The following ANTXRL variants were observed in gnomAD, a reference collection of about 807,000 sequenced individuals.
The protein encoded by ANTXRL is ANTXR like, also known as anthrax toxin receptor-like.
Under a neutral mutation model 75.4 loss-of-function variants are expected in ANTXRL, and 63 were observed. The observed-to-expected ratio is 0.84, with a 90% CI of 0.68 to 1.03. ANTXRL has a LOEUF of 1.03. ANTXRL is among the 50% of genes least tolerant of loss of function. The pLI is 0.00. For missense variants in ANTXRL, 797 were observed against 789.4 expected, an observed-to-expected ratio of 1.01 and a Z score of -0.12; for synonymous variants, 335 against 291.3, an observed-to-expected ratio of 1.15 and a Z score of -1.53.
At chr10:46,294,162 G>C in intron 3 of ANTXRL, 1 of 510,106 alleles carries the variant, frequency 2.0e-6, no homozygotes, top group East Asian at 3.7e-5. Flanking sequence ...CCCTCTCTCC[G>C]CTCTGCCTCC....
Position 46,287,114 on chromosome 10 carries a change from G to C in ANTXRL, c.-149G>C. 9.8e-7 allele frequency: 1 copy of C among 1,020,526 alleles called. No individual in the cohort carries two copies. Among genetic ancestry groups the C allele is most frequent in the Non-Finnish European group, 1.4e-6 (1 of 721,104 alleles). The allele number at this position is 1,020,526 out of a possible 1,614,324, so 63.2% of individuals were successfully genotyped here. On this transcript the variant is annotated 5_prime_UTR_variant, in exon 1 of 17. Transcript: ENST00000620264. ...GCGATCTGGGGAGGTACCTGGTGGA[G>C]GGCCATAGTGTGCACTGGTGAAAGG... is the stretch of plus-strand genomic sequence containing the variant.
At position 46,298,518 on chromosome 10, in the gene ANTXRL, C is replaced by T. The variant is rs190576638; in HGVS notation, c.796+456C>T. On this transcript the variant is annotated intron_variant, in intron 9 of 16. Transcript: ENST00000620264. ...TGAGTGTACGTAGGGAGCATATATG[C>T]GTGTGTGTGTGTGGTGTATGTGCAC... is the stretch of plus-strand genomic sequence containing the variant. 3.1e-3 allele frequency among the ~76,000 whole-genome samples: 469 copies of T among 149,094 alleles called. 2 individuals carry two copies. The highest frequency in any genetic ancestry group is 0.011 in the African/African-American group (433 of 40,448).
chr10:46,326,166 A>G (rs1368795625), intron 16 of ANTXRL, among the ~76,000 whole-genome samples: 1 of 151,824 alleles, frequency 6.6e-6, no homozygotes. Flanking sequence ...GTATGTGAGT[A>G]GAGATGGATA....
At chr10:46,298,916 G>A (rs1298882189) in intron 9 of ANTXRL, among the ~76,000 whole-genome samples, 1 of 151,562 alleles carries the variant, frequency 6.6e-6, no homozygotes, top group Admixed American at 6.6e-5. Flanking sequence ...GGATGTGAAT[G>A]TGTCTATTGG....
chr10:46,311,384 A>C, intron 14 of ANTXRL, 126 bp from the exon 15 acceptor site: 3 of 1,335,542 alleles, frequency 2.2e-6, no homozygotes, highest in South Asian at 3.5e-5. Context: ...TGTTTTTCAC[A>C]TGAAGGACCC....
At chr10:46,293,976 C>T in intron 3 of ANTXRL, 76 bp downstream of exon 3, 1 of 1,396,174 alleles carries the variant, frequency 7.2e-7, no homozygotes, top group East Asian at 2.5e-5. Context: ...TGAAGGGCTC[C>T]CGGAGACCTT....
rs1837439423 is a variant in ANTXRL at position 46,297,329 on chromosome 10, G to A, written c.585+1G>A. On this transcript the variant is annotated splice_donor_variant, in intron 6 of 16. Transcript: ENST00000620264. LOFTEE classifies it high-confidence loss of function. ...TGCATTTCAGGACACTCTCAGAGAA[G>A]TGAGTCCAGTTCATACTTACCAGCA... The A allele has an allele frequency of 2.0e-6, 3 of 1,536,440 alleles. No homozygotes were observed. The highest frequency in any genetic ancestry group is 2.6e-6 in the Non-Finnish European group (3 of 1,146,806).
chr10:46,294,045 T>G (rs1554957779), intron 3 of ANTXRL, 145 bp downstream of exon 3: 2 of 689,116 alleles, frequency 2.9e-6, no homozygotes, highest in Non-Finnish European at 4.8e-6. Context: ...AGTACCCACC[T>G]GACCTTAGCC....
At chr10:46,313,845 A>G (rs1436543971) in intron 16 of ANTXRL, among the ~76,000 whole-genome samples, 1 of 152,146 alleles carries the variant, frequency 6.6e-6, no homozygotes, top group Non-Finnish European at 1.5e-5. Context: ...TGAGATATTA[A>G]GTAGCATGTC....
At position 46,297,485 on chromosome 10, in the gene ANTXRL, G is replaced by A. The variant is rs4570521; in HGVS notation, c.654+11G>A. On this transcript the variant is annotated intron_variant, in intron 7 of 16. Coordinates refer to ENST00000620264, the MANE Select transcript of ANTXRL (RefSeq NM_001278688.3). ...TATAATCTGGATCAGGTAATTCCAA[G>A]CAGGTAACCAGGCGCCACTTTCAAG... 0.46 allele frequency: 698,005 copies of A among 1,528,780 alleles called. 152,980 individuals carry two copies. The highest frequency in any genetic ancestry group is 0.48 in the Non-Finnish European group (553,099 of 1,140,892). 94.7% of individuals were successfully genotyped at this position (1,528,780 alleles called of 1,614,324 possible).
At position 46,297,908 on chromosome 10, in the gene ANTXRL, T is replaced by A; in HGVS notation, c.732T>A (p.Asp244Glu). The A allele has an allele frequency of 6.5e-7, 1 of 1,535,882 alleles. No homozygotes were observed. Among genetic ancestry groups the A allele is most frequent in the Non-Finnish European group, 8.7e-7 (1 of 1,146,738 alleles). Reference sequence around the variant, plus strand: ...TCAAGGCCCTGAGAAGCACCATTGATGCCGTGAGTGGGCAGAGGTGAGGGG... The same window carrying A: ...TCAAGGCCCTGAGAAGCACCATTGAAGCCGTGAGTGGGCAGAGGTGAGGGG... ...NGFKALRSTI[D>E]ALTSKVCLDV... Residue 244 changes from aspartate to glutamate, a missense_variant, in exon 8 of 17, where the codon GAT becomes GAA. Coordinates refer to ENST00000620264, the MANE Select transcript of ANTXRL (RefSeq NM_001278688.3).
intron 16 of ANTXRL, among the ~76,000 whole-genome samples, chr10:46,315,071 C>T (rs1838648421): frequency 1.3e-5 from 2 of 152,198 alleles, no homozygotes; most frequent in African/African-American, 4.8e-5. Flanking sequence ...CTCTTTAAGC[C>T]TTCGGTGTGC....
chr10:46,297,727 C>T lies in ANTXRL; in HGVS notation c.655-104C>T, dbSNP rs1367805690. The T allele has an allele frequency of 7.2e-5, 78 of 1,078,658 alleles. 1 individual carries two copies. In the Admixed American group the frequency reaches 7.9e-4, roughly 11 times the overall value. 66.8% of individuals were successfully genotyped at this position (1,078,658 alleles called of 1,614,324 possible). A position where few individuals can be genotyped will look rare whatever the true frequency, so the allele number is the denominator to read the frequency against. On this transcript the variant is annotated intron_variant, in intron 7 of 16. Coordinates refer to ENST00000620264, the MANE Select transcript of ANTXRL (RefSeq NM_001278688.3). ...TCTGTGACATTCAGAGCCTGACATT[C>T]TGCTGCCCCCAAAGCATGAGGGCAA...
chr10:46,319,552 T>C (rs1337290320), intron 16 of ANTXRL, among the ~76,000 whole-genome samples: 3 of 152,164 alleles, frequency 2.0e-5, no homozygotes, highest in Non-Finnish European at 4.4e-5. Context: ...TCAGGCAGTC[T>C]AGGCAGCTCA....
intron 15 of ANTXRL, 87 bp downstream of exon 15, chr10:46,311,752 G>A: frequency 1.6e-6 from 1 of 606,844 alleles, no homozygotes; most frequent in South Asian, 2.0e-5. Context: ...TGGAGACCTG[G>A]GCCCTGGAGG....
At chr10:46,290,045 C>CTTTTTTTT (rs34276033) in intron 1 of ANTXRL, among the ~76,000 whole-genome samples, 123 of 119,586 alleles carry the variant, frequency 1.0e-3, no homozygotes, top group Non-Finnish European at 1.4e-3. Flanking sequence ...TTTTCTTTAT[C>CTTTTTTTT]TTTTTTTTTT....
intron 1 of ANTXRL, 54 bp from the exon 2 acceptor site, chr10:46,292,000 CACTT>C: frequency 6.8e-7 from 1 of 1,466,676 alleles, no homozygotes; most frequent in Non-Finnish European, 9.2e-7. Flanking sequence ...GCGGGGCAGA[CACTT>C]GCCCATCGGA....
At chr10:46,292,584 T>C (rs1357776767) in intron 2 of ANTXRL, among the ~76,000 whole-genome samples, 3 of 152,076 alleles carry the variant, frequency 2.0e-5, no homozygotes, top group African/African-American at 7.3e-5. Flanking sequence ...ACAGGGGACC[T>C]GTGGTGGCGT....
At chr10:46,292,543 T>C (rs1837038038) in intron 2 of ANTXRL, among the ~76,000 whole-genome samples, 3 of 152,016 alleles carry the variant, frequency 2.0e-5, no homozygotes, top group African/African-American at 7.3e-5. Context: ...AGGATGTGGG[T>C]CTTTGAACTG....
Sources: allele counts gnomAD v4.1 joint callset (sites outside exome capture counted in the v4.1 genomes callset), GRCh38; gene constraint gnomAD v4.1.1; transcripts MANE v1.5; gene names NCBI Gene and HGNC (gene_info 2026-07-23, HGNC 2026-07-21).